The following AFF3 variants were observed in gnomAD, a reference collection of about 807,000 sequenced individuals.
AFF3 encodes ALF transcription elongation factor 3.
AFF3 carries 32 observed loss-of-function variants against 129.7 expected under a neutral mutation model. The observed-to-expected ratio is 0.25, with a 90% confidence interval of 0.19 to 0.33. AFF3 has a LOEUF of 0.33. Ranked by LOEUF, AFF3 falls within the 10% of genes least tolerant of loss-of-function variation. AFF3 has a pLI of 1.00. For synonymous variants in AFF3, 644 were observed against 635.4 expected (o/e 1.01, Z -0.20); for missense variants, 1,373 against 1,592.0 (o/e 0.86, Z 2.34).
intron 13 of AFF3, among the ~76,000 whole-genome samples, chr2:99,619,336 C>T (rs561270022): frequency 2.7e-4 from 41 of 152,260 alleles, no homozygotes; most frequent in Non-Finnish European, 4.4e-5. Flanking sequence ...AACCAAATTA[C>T]AGCATCTGAG....
Position 99,752,048 on chromosome 2 carries a change from C to T in AFF3, c.1002+173G>A, listed in dbSNP as rs1396619612. Among the ~76,000 whole-genome samples the T allele has an allele frequency of 2.0e-5, 3 of 152,184 alleles. No individual in the cohort carries two copies. The East Asian group carries it at 5.8e-4, about 29-fold the overall frequency. On this transcript the variant is annotated intron_variant, in intron 9 of 24. Coordinates refer to ENST00000672756, the MANE Select transcript of AFF3 (RefSeq NM_001386135.1). ...GGTAAGTAAGATTGGAGGCTTGATT[C>T]TCCCCCTTTCATAAATGAATAAGTA...
At chr2:99,583,543 G>A (rs571547375) in intron 16 of AFF3, among the ~76,000 whole-genome samples, 6 of 151,898 alleles carry the variant, frequency 4.0e-5, no homozygotes, top group South Asian at 4.2e-4. Context: ...TCACCACACC[G>A]GGCTAATTTT....
intron 16 of AFF3, among the ~76,000 whole-genome samples, chr2:99,585,211 T>A (rs1430801305): frequency 6.6e-6 from 1 of 152,226 alleles, no homozygotes; most frequent in Non-Finnish European, 1.5e-5. Flanking sequence ...CTTTATGATT[T>A]TTACAGTGCA....
chr2:99,867,576 T>TTAA lies in AFF3; in HGVS notation c.874-30053_874-30052insTTA, dbSNP rs1356826463. 4.2e-3 allele frequency among the ~76,000 whole-genome samples: 592 copies of TTAA among 141,358 alleles called. 7 individuals carry two copies. The highest frequency in any genetic ancestry group is 0.015 in the African/African-American group (572 of 37,680). 92.7% of individuals were successfully genotyped at this position (141,358 alleles called of 152,430 possible). On this transcript the variant is annotated intron_variant, in intron 7 of 24. Coordinates refer to ENST00000672756, the MANE Select transcript of AFF3 (RefSeq NM_001386135.1). ...CTCCCCAAGGCCTATATTTCTATAT[T>TTAA]AAAAAAAAAAAAAAAAACATAGCTG...
intron 8 of AFF3, among the ~76,000 whole-genome samples, chr2:99,771,437 A>G (rs1168424062): frequency 6.6e-6 from 1 of 151,602 alleles, no homozygotes; most frequent in Non-Finnish European, 1.5e-5. Flanking sequence ...AACCAGAGCA[A>G]TTCACACTCA....
At chr2:99,988,333 G>A (rs1373207751) in intron 7 of AFF3, among the ~76,000 whole-genome samples, 1 of 152,160 alleles carries the variant, frequency 6.6e-6, no homozygotes, top group Admixed American at 6.5e-5. Flanking sequence ...AGAAATTCAC[G>A]CTAAAAGCAT....
rs968318172 is a variant in AFF3, at chr2:99,599,764, T to C, written c.1371+1671A>G. Among the ~76,000 whole-genome samples, 8 of 152,340 alleles carry C rather than the reference T, an allele frequency of 5.3e-5. No homozygotes were observed. In the Middle Eastern group the frequency reaches 0.01, roughly 194 times the overall value. ...ACTGTCCCTGGGACGCAGTTATTTCTTATAACTAAATATTCCAGAATTTCT... is the reference window on the plus strand; with the variant it reads ...ACTGTCCCTGGGACGCAGTTATTTCCTATAACTAAATATTCCAGAATTTCT... On this transcript the variant is annotated intron_variant, in intron 14 of 24. Coordinates refer to ENST00000672756, the MANE Select transcript of AFF3 (RefSeq NM_001386135.1).
chr2:99,985,105 A>C (rs1229213657), intron 7 of AFF3, among the ~76,000 whole-genome samples: 3 of 152,236 alleles, frequency 2.0e-5, no homozygotes, highest in Non-Finnish European at 4.4e-5. Context: ...ACAAATACAC[A>C]GATGTGAGGC....
At chr2:99,971,133 C>A (rs111409701) in intron 7 of AFF3, among the ~76,000 whole-genome samples, 14 of 152,302 alleles carry the variant, frequency 9.2e-5, no homozygotes, top group Non-Finnish European at 1.9e-4. Flanking sequence ...CCAATTTGTT[C>A]TCCCTTCACC....
At chr2:99,570,907 G>T (rs918769333) in intron 18 of AFF3, among the ~76,000 whole-genome samples, 1 of 152,158 alleles carries the variant, frequency 6.6e-6, no homozygotes, top group Non-Finnish European at 1.5e-5. Flanking sequence ...AATTTCCCCC[G>T]CCGTAAGGCG....
intron 8 of AFF3, among the ~76,000 whole-genome samples, chr2:99,780,512 T>C (rs1443996087): frequency 6.6e-6 from 1 of 152,194 alleles, no homozygotes; most frequent in Non-Finnish European, 1.5e-5. Context: ...TGGCCACGTT[T>C]ACCCTGCCAA....
intron 1 of AFF3, among the ~76,000 whole-genome samples, chr2:100,129,978 G>A (rs910583132): frequency 7.9e-5 from 12 of 152,122 alleles, no homozygotes; most frequent in African/African-American, 1.9e-4. Flanking sequence ...GCCTTTACAC[G>A]TGGCCTCTAT....
intron 7 of AFF3, among the ~76,000 whole-genome samples, chr2:99,940,059 C>T (rs1674881853): frequency 6.6e-6 from 1 of 152,152 alleles, no homozygotes; most frequent in African/African-American, 2.4e-5. Context: ...ACTTCCACTG[C>T]CAAATGCGTA....
intron 8 of AFF3, among the ~76,000 whole-genome samples, chr2:99,827,449 T>C (rs1688176823): frequency 1.3e-5 from 2 of 151,974 alleles, no homozygotes; most frequent in Admixed American, 6.6e-5. Flanking sequence ...AGAGATCACA[T>C]GGGGAAATGC....
intron 4 of AFF3, among the ~76,000 whole-genome samples, chr2:100,032,297 C>T (rs561010017): frequency 6.6e-6 from 1 of 152,016 alleles, no homozygotes; most frequent in African/African-American, 2.4e-5. Flanking sequence ...GGTGTGGTGG[C>T]GGGCACCTGT....
intron 15 of AFF3, among the ~76,000 whole-genome samples, chr2:99,587,624 C>T (rs937331690): frequency 6.6e-6 from 1 of 152,176 alleles, no homozygotes; most frequent in African/African-American, 2.4e-5. Context: ...CTCACCTTGG[C>T]ATTTCTTGGT....
At chr2:99,956,271 A>C (rs1202036694) in intron 7 of AFF3, among the ~76,000 whole-genome samples, 2 of 152,204 alleles carry the variant, frequency 1.3e-5, no homozygotes, top group Non-Finnish European at 2.9e-5. Context: ...CTACAGGGTG[A>C]GGAACTGGGA....
intron 7 of AFF3, among the ~76,000 whole-genome samples, chr2:99,857,596 T>C (rs1435976724): frequency 6.6e-6 from 1 of 152,188 alleles, no homozygotes; most frequent in Non-Finnish European, 1.5e-5. Flanking sequence ...CATTAAGATA[T>C]AGGAATGTAA....
chr2:99,993,875 G>A (rs1338836622), intron 7 of AFF3, among the ~76,000 whole-genome samples: 2 of 128,370 alleles, frequency 1.6e-5, no homozygotes, highest in Non-Finnish European at 3.1e-5. Flanking sequence ...GTGTGATCTC[G>A]GCTCATTGCA....
Sources: gnomAD v4.1 joint callset for allele counts (sites outside exome capture counted in the v4.1 genomes callset) on GRCh38, gnomAD v4.1.1 for gene constraint, MANE v1.5 for transcripts, NCBI Gene and HGNC (gene_info 2026-07-23, HGNC 2026-07-21) for gene names.